The following ACACA variants were observed in gnomAD, a reference collection of about 807,000 sequenced individuals.
ACACA encodes acetyl-CoA carboxylase 1.
A neutral mutation model predicts 296.1 loss-of-function variants in ACACA; 103 were observed. The observed-to-expected ratio is 0.35, with a 90% CI of 0.30 to 0.41. The LOEUF (loss-of-function observed/expected upper bound fraction) is 0.41. Among genes scored for constraint, ACACA ranks in the 10% least tolerant of loss-of-function variants. The pLI, the probability that ACACA is intolerant of heterozygous loss-of-function variation, is 1.00. For synonymous variants in ACACA, 953 were observed against 1,038.6 expected (o/e 0.92, Z 1.58); for missense variants, 1,554 against 2,989.7 (o/e 0.52, Z 11.20).
Position 37,111,570 on chromosome 17 carries a change from G to A in ACACA, c.6526C>T (p.Arg2176Trp), listed in dbSNP as rs778168950. Residue 2176 changes from arginine (R) to tryptophan (W), a missense_variant, in exon 52 of 56, where the codon CGG becomes TGG. By Grantham distance (101) the Arg-to-Trp change is moderately radical (BLOSUM62 -3). This residue lies in a region of ACACA where 553 missense variants were observed against 1,043.6 expected (regional missense o/e 0.53). Transcript: ENST00000616317. The part of the protein sequence containing the change: ...RRKDLVKTMR[R>W]VDPVYIHLAE... Reference sequence around the variant, plus strand: ...AAGTGGATGTAGACTGGGTCCACCCGACGCATGGTTTTCACCAGATCCTTT... The same window carrying A: ...AAGTGGATGTAGACTGGGTCCACCCAACGCATGGTTTTCACCAGATCCTTT... 6.2e-7 allele frequency: 1 copy of A among 1,614,150 alleles called. No individual in the cohort carries two copies.
intron 3 of ACACA, among the ~76,000 whole-genome samples, chr17:37,293,698 T>C (rs1598419518): frequency 6.6e-6 from 1 of 152,096 alleles, no homozygotes; most frequent in East Asian, 1.9e-4. Context: ...CACACCACCA[T>C]GCCCAGCTAG....
chr17:37,260,280 ATATATATATATATATATTTT>A (rs1485091660), intron 11 of ACACA, among the ~76,000 whole-genome samples: 3 of 32,412 alleles, frequency 9.3e-5, no homozygotes, highest in East Asian at 1.9e-3. Flanking sequence ...ATATATATAT[ATATATATATATATATATTTT>A]TTTTTTTTTT....
intron 10 of ACACA, among the ~76,000 whole-genome samples, chr17:37,270,063 A>T (rs1419658617): frequency 1.3e-5 from 2 of 152,212 alleles, no homozygotes; most frequent in African/African-American, 4.8e-5. Flanking sequence ...TCCGCAACCA[A>T]TGTATAGTAT....
At chr17:37,256,783 G>A (rs548278616) in intron 14 of ACACA, among the ~76,000 whole-genome samples, 3 of 152,114 alleles carry the variant, frequency 2.0e-5, no homozygotes, top group African/African-American at 7.2e-5. Flanking sequence ...TAATCAATAA[G>A]TGTTTATTAA....
intron 45 of ACACA, 57 bp from the exon 46 acceptor site, chr17:37,130,275 G>T: frequency 6.2e-7 from 1 of 1,600,428 alleles, no homozygotes; most frequent in African/African-American, 1.3e-5. Flanking sequence ...AGGCATGGTC[G>T]ATTTCACAAG....
At chr17:37,187,334 T>C (rs973766814) in intron 39 of ACACA, among the ~76,000 whole-genome samples, 11 of 152,184 alleles carry the variant, frequency 7.2e-5, no homozygotes, top group Non-Finnish European at 1.2e-4. Context: ...TAAAAGGATA[T>C]AGATAAAAAC....
intron 41 of ACACA, among the ~76,000 whole-genome samples, chr17:37,164,006 C>T (rs1183385924): frequency 2.6e-5 from 4 of 152,144 alleles, no homozygotes; most frequent in African/African-American, 9.7e-5. Flanking sequence ...TGTCTGCCTG[C>T]CTGTTTCCCC....
At chr17:37,188,172 A>C (rs2077609405) in intron 39 of ACACA, 105 bp downstream of exon 39, 1 of 1,074,994 alleles carries the variant, frequency 9.3e-7, no homozygotes, top group Non-Finnish European at 1.4e-6. Context: ...TAATCCCACC[A>C]GGTGAACCAA....
chr17:37,263,030 A>T (rs552060193), intron 11 of ACACA, among the ~76,000 whole-genome samples: 8 of 152,308 alleles, frequency 5.3e-5, no homozygotes, highest in Admixed American at 1.3e-4. Context: ...ATGCCCGGCC[A>T]AGCCACTGTA....
chr17:37,105,708 T>G (rs75734555), intron 52 of ACACA, among the ~76,000 whole-genome samples: 1 of 151,314 alleles, frequency 6.6e-6, no homozygotes, highest in African/African-American at 2.4e-5. Flanking sequence ...CTGCTAAAAA[T>G]ACAAAATTAG....
At chr17:37,325,843 G>A (rs985279826) in intron 3 of ACACA, among the ~76,000 whole-genome samples, 2 of 151,668 alleles carry the variant, frequency 1.3e-5, no homozygotes, top group African/African-American at 4.8e-5. Flanking sequence ...TAAAGTGCTG[G>A]GATTGCAGGC....
rs566921607 is a variant in ACACA at position 37,167,611 on chromosome 17, G to A, written c.5080-5561C>T. ...TGGGATAGCAGGCACGAGCCACCGC[G>A]CCCAGCCAAGAAATGGCATTTTCTT... On this transcript the variant is annotated intron_variant, in intron 41 of 55. Coordinates refer to ENST00000616317, the MANE Select transcript of ACACA (RefSeq NM_198834.3). Among the ~76,000 whole-genome samples, 26 of 149,562 alleles carry A rather than the reference G, an allele frequency of 1.7e-4. No homozygotes were observed. The South Asian group carries it at 4.0e-3, about 23-fold the overall frequency.
chr17:37,273,331 A>G (rs1231335776), intron 9 of ACACA, among the ~76,000 whole-genome samples: 2 of 152,228 alleles, frequency 1.3e-5, no homozygotes, highest in Non-Finnish European at 2.9e-5. Flanking sequence ...AAGGGGAACA[A>G]ATTGGAGGGA....
Position 37,243,455 on chromosome 17 carries a change from G to C in ACACA, c.2847C>G (p.Pro949=), listed in dbSNP as rs1237737094. ...IMTSVSGRIP[P]NVEKSIKKEM... is the part of the protein sequence containing the mutation. ...CCTTCTTGATAGACTTCTCCACATT[G>C]GGGGGAATGCGGCCAGACACACTGG... Residue 949 remains proline (P), a synonymous_variant, in exon 22 of 56, where the codon CCC becomes CCG. Transcript: ENST00000616317. 6.2e-7 allele frequency: 1 copy of C among 1,613,908 alleles called. No individual in the cohort carries two copies. The highest frequency in any genetic ancestry group is 1.3e-5 in the African/African-American group (1 of 74,886).
At chr17:37,103,772 C>T (rs1018226292) in intron 52 of ACACA, among the ~76,000 whole-genome samples, 4 of 152,158 alleles carry the variant, frequency 2.6e-5, no homozygotes, top group African/African-American at 9.7e-5. Context: ...TGTGGTAGCT[C>T]ACACCTGTAA....
Position 37,179,835 on chromosome 17 carries a change from T to G in ACACA, c.4933-429A>C, listed in dbSNP as rs751130872. ...AAAAGAAAATCCAAGAAGGCCAGAA[T>G]GAAGCTTCTACTAGAAATTCCAGGG... On this transcript the variant is annotated intron_variant, in intron 40 of 55. Transcript: ENST00000616317. 4.6e-5 allele frequency among the ~76,000 whole-genome samples: 7 copies of G among 152,194 alleles called. No individual in the cohort carries two copies. In the South Asian group the frequency reaches 6.2e-4, roughly 13 times the overall value.
In ACACA at chr17:37,217,761, AAAAC is replaced by A. The variant is rs1555601626; in HGVS notation, c.3683+3959_3683+3962del. Among the ~76,000 whole-genome samples, 451 of 131,168 alleles carry A rather than the reference AAAAC, an allele frequency of 3.4e-3. 33 individuals are homozygous for A. Among genetic ancestry groups the A allele is most frequent in the African/African-American group, 0.016 (433 of 26,444 alleles). 86.1% of individuals were successfully genotyped at this position (131,168 alleles called of 152,430 possible). On this transcript the variant is annotated intron_variant, in intron 29 of 55. Coordinates refer to ENST00000616317, the MANE Select transcript of ACACA (RefSeq NM_198834.3). The stretch of plus-strand genomic sequence containing the variant: ...AAAAAAAAAAAAAAAAAAAAAAAAA[AAAAC>A]AACCTGTTTTCTCCCCCAATAATTT...
At chr17:37,371,887 G>C (rs916273602) in intron 1 of ACACA, among the ~76,000 whole-genome samples, 1 of 151,746 alleles carries the variant, frequency 6.6e-6, no homozygotes, top group Non-Finnish European at 1.5e-5. Flanking sequence ...GGGACACAGC[G>C]AGACTACGTC....
rs766576194 is a variant in ACACA, at chr17:37,258,323, A to G, written c.1551T>C (p.Tyr517=). Residue 517 remains tyrosine, a synonymous_variant, in exon 13 of 56, where the codon TAT becomes TAC. Coordinates refer to ENST00000616317, the MANE Select transcript of ACACA (RefSeq NM_198834.3). ...GAGAATCACCCCAGGGAGATACCCC[A>G]TACATCATACGGATATCCTTGATTC... ...LYRIKDIRMM[Y]GVSPWGDSPI... 4 of 1,614,020 alleles carry G rather than the reference A, an allele frequency of 2.5e-6. No homozygotes were observed. Among genetic ancestry groups the G allele is most frequent in the Non-Finnish European group, 2.5e-6 (3 of 1,179,964 alleles).
Sources: gnomAD v4.1 joint callset for allele counts (sites outside exome capture counted in the v4.1 genomes callset) on GRCh38, gnomAD v4.1.1 for gene constraint, gnomAD v4.1.1 regional missense constraint, MANE v1.5 for transcripts, NCBI Gene and HGNC (gene_info 2026-07-23, HGNC 2026-07-21) for gene names.